ORC1: variants seen among roughly 807,000 people sequenced by gnomAD.
ORC1 encodes origin recognition complex, subunit 1 homolog.
A neutral mutation model predicts 98.9 loss-of-function variants in ORC1; 61 were observed. That is an observed-to-expected ratio of 0.62 (90% confidence interval 0.50 to 0.76). The LOEUF is 0.76. Among genes scored for constraint, ORC1 ranks in the 30% least tolerant of loss-of-function variants. The pLI is 0.00. For synonymous variants in ORC1, 385 were observed against 406.9 expected (o/e 0.95, Z 0.65); for missense variants, 979 against 1,072.2 (o/e 0.91, Z 1.21).
chr1:52,408,495 T>G (rs1428274612), upstream of ORC1: 1 of 1,596,056 alleles, frequency 6.3e-7, no homozygotes, highest in African/African-American at 1.3e-5. Context: ...TCCACTACTG[T>G]CATGAGAACA....
At chr1:52,381,491 A>T in intron 14 of ORC1, 151 bp downstream of exon 14, 1 of 804,782 alleles carries the variant, frequency 1.2e-6, no homozygotes, top group Non-Finnish European at 2.0e-6. Flanking sequence ...TAACAAGGCT[A>T]AGGAATTTCT....
rs945502774 is a variant in ORC1 at position 52,388,426 on chromosome 1, C to T, written c.1383+16G>A. ...GAGGGATGCTTCAATGGGAAGTAAA[C>T]CTAGAAGAACCTTACACTCTTCTTT... is the stretch of plus-strand genomic sequence containing the variant. On this transcript the variant is annotated intron_variant, in intron 8 of 16. Coordinates refer to ENST00000371568, the MANE Select transcript of ORC1 (RefSeq NM_004153.4). 15 of 1,608,010 alleles carry T rather than the reference C, an allele frequency of 9.3e-6. No homozygotes were observed. Among genetic ancestry groups the T allele is most frequent in the East Asian group, 2.2e-5 (1 of 44,868 alleles).
chr1:52,394,724 C>T (rs1049218774), intron 5 of ORC1, among the ~76,000 whole-genome samples: 3 of 152,196 alleles, frequency 2.0e-5, no homozygotes, highest in African/African-American at 7.2e-5. Context: ...TCTCAGCTCA[C>T]TGCCACCTGT....
intron 10 of ORC1, 51 bp from the exon 11 acceptor site, chr1:52,384,772 C>T (rs3087480): frequency 6.4e-5 from 95 of 1,485,334 alleles, no homozygotes; most frequent in Non-Finnish European, 7.9e-5. Flanking sequence ...AGCCACTACA[C>T]GTTATAATCA....
intron 14 of ORC1, among the ~76,000 whole-genome samples, chr1:52,379,020 G>A (rs1372386380): frequency 2.6e-5 from 4 of 151,580 alleles, no homozygotes; most frequent in Non-Finnish European, 4.4e-5. Context: ...GCGACAGAGC[G>A]AGACTCCGTC....
At chr1:52,391,287 C>T (rs1260911252) in intron 6 of ORC1, among the ~76,000 whole-genome samples, 2 of 138,640 alleles carry the variant, frequency 1.4e-5, no homozygotes, top group African/African-American at 5.6e-5. Flanking sequence ...CCAGCCTGGG[C>T]GTCAGACAGA....
upstream of ORC1, among the ~76,000 whole-genome samples, chr1:52,407,571 T>C (rs1176506767): frequency 3.9e-5 from 6 of 152,208 alleles, no homozygotes; most frequent in Non-Finnish European, 7.3e-5. Context: ...CCAGCAGTCA[T>C]GTTTATGTGT....
At chr1:52,401,764 T>C (rs191206277) in intron 2 of ORC1, among the ~76,000 whole-genome samples, 175 of 152,330 alleles carry the variant, frequency 1.1e-3, no homozygotes, top group African/African-American at 1.7e-3. Context: ...ACAACAAATG[T>C]TTCCCAAGGC....
intron 13 of ORC1, 104 bp downstream of exon 13, chr1:52,383,316 G>A (rs551162626): frequency 4.8e-5 from 66 of 1,379,426 alleles, no homozygotes; most frequent in Admixed American, 4.6e-4. Context: ...CCCAAAGTGC[G>A]GGGTTTACAG....
intron 11 of ORC1, 80 bp downstream of exon 11, chr1:52,384,470 G>T: frequency 7.7e-7 from 1 of 1,305,476 alleles, no homozygotes; most frequent in Non-Finnish European, 1.1e-6. Context: ...TGCAATACAC[G>T]CAAAATTAAG....
At chr1:52,383,395 G>C in intron 13 of ORC1, 25 bp downstream of exon 13, 1 of 1,611,788 alleles carries the variant, frequency 6.2e-7, no homozygotes, top group Non-Finnish European at 8.5e-7. Context: ...TGCAAGAACA[G>C]CATGGGAACT....
At chr1:52,392,550 T>C (rs1647240405) in intron 6 of ORC1, among the ~76,000 whole-genome samples, 1 of 152,022 alleles carries the variant, frequency 6.6e-6, no homozygotes, top group African/African-American at 2.4e-5. Flanking sequence ...GCAATCCCAC[T>C]CCTGGGTATC....
upstream of ORC1, among the ~76,000 whole-genome samples, chr1:52,406,288 T>C (rs556339095): frequency 6.6e-6 from 1 of 152,100 alleles, no homozygotes. Flanking sequence ...CACCACACCC[T>C]GCCAAGTTTG....
intron 8 of ORC1, 21 bp from the exon 9 acceptor site, chr1:52,385,970 A>G (rs907628748): frequency 3.8e-6 from 6 of 1,589,094 alleles, no homozygotes; most frequent in Non-Finnish European, 5.2e-6. Flanking sequence ...AACAAAGAAC[A>G]TATTTCACAA....
Position 52,397,847 on chromosome 1 carries a change from AG to A in ORC1, c.239del (p.Pro80LeufsTer56). Reference sequence around the variant, plus strand: ...ACCACTGTACTCGAGCACGTTTCTTAGGAGGAGGATCAGAGTCTAGAAAGAA... The same window carrying A: ...ACCACTGTACTCGAGCACGTTTCTTAGAGGAGGATCAGAGTCTAGAAAGAA... ...ELFEDDSDPP[P>X]KKRARVQWFV... On this transcript the variant is annotated frameshift_variant, in exon 4 of 17. Transcript: ENST00000371568. LOFTEE classifies it high-confidence loss of function. 1 of 1,614,238 alleles carries A rather than the reference AG, an allele frequency of 6.2e-7. No homozygotes were observed. The highest frequency in any genetic ancestry group is 1.6e-4 in the Middle Eastern group (1 of 6,062).
In ORC1 at chr1:52,396,725, T is replaced by C. The variant is rs1322048039; in HGVS notation, c.403-361A>G. ...GTTATTTTCACAGATTCCTCCTAGC[T>C]GATATTCTTATACCCTACCATTGCT... is the stretch of plus-strand genomic sequence containing the variant. On this transcript the variant is annotated intron_variant, in intron 4 of 16. Coordinates refer to ENST00000371568, the MANE Select transcript of ORC1 (RefSeq NM_004153.4). Among the ~76,000 whole-genome samples, 11 of 152,316 alleles carry C rather than the reference T, an allele frequency of 7.2e-5. No individual in the cohort carries two copies. In the East Asian group the frequency reaches 1.9e-3, roughly 27 times the overall value.
chr1:52,380,816 A>G (rs1647059908), intron 14 of ORC1, among the ~76,000 whole-genome samples: 1 of 152,168 alleles, frequency 6.6e-6, no homozygotes, highest in East Asian at 1.9e-4. Context: ...AAATGCCTAG[A>G]TGATAACTTT....
In ORC1 at chr1:52,373,072, C is replaced by T. The variant is rs915158928; in HGVS notation, c.*109G>A. 7 of 1,144,508 alleles carry T rather than the reference C, an allele frequency of 6.1e-6. No homozygotes were observed. The highest frequency in any genetic ancestry group is 1.5e-5 in the African/African-American group (1 of 65,970). The allele number at this position is 1,144,508 out of a possible 1,614,324, so 70.9% of individuals were successfully genotyped here. On this transcript the variant is annotated 3_prime_UTR_variant, in exon 17 of 17. Coordinates refer to ENST00000371568, the MANE Select transcript of ORC1 (RefSeq NM_004153.4). ...ACCTAAGCCTGAGAAGTCAAGGCTG[C>T]AGTGAGCCATGATCGTGCCACTGCA...
chr1:52,381,884 T>A (rs1647075268), intron 13 of ORC1, 123 bp from the exon 14 acceptor site: 1 of 880,858 alleles, frequency 1.1e-6, no homozygotes, highest in African/African-American at 1.7e-5. Flanking sequence ...ACACATTTCA[T>A]ACCTAGACTA....
Sources: allele counts gnomAD v4.1 joint callset (sites outside exome capture counted in the v4.1 genomes callset), GRCh38; gene constraint gnomAD v4.1.1; transcripts MANE v1.5; gene names NCBI Gene and HGNC (gene_info 2026-07-23, HGNC 2026-07-21).